CDYL: variants seen among roughly 807,000 people sequenced by gnomAD.
The protein encoded by CDYL is chromodomain Y like.
CDYL carries 8 observed loss-of-function variants against 47.3 expected under a neutral mutation model. That is an observed-to-expected ratio of 0.17 (90% CI 0.10 to 0.31). The LOEUF (loss-of-function observed/expected upper bound fraction) is 0.31. CDYL is among the 10% of genes least tolerant of loss of function. The probability of loss-of-function intolerance (pLI) is 1.00; values close to 1 mark genes in which losing one functional copy is unlikely to be tolerated. For missense variants in CDYL, 471 were observed against 701.4 expected (o/e 0.67, Z 3.71); for synonymous variants, 266 against 265.0 (o/e 1.00, Z -0.04).
chr6:4,853,361 T>C (rs1760909416), intron 1 of CDYL, among the ~76,000 whole-genome samples: 1 of 152,202 alleles, frequency 6.6e-6, no homozygotes, highest in Admixed American at 6.5e-5. Context: ...GAAGGTAACA[T>C]AACTTATCCA....
intron 1 of CDYL, among the ~76,000 whole-genome samples, chr6:4,885,692 T>C (rs1206197992): frequency 6.6e-6 from 1 of 152,254 alleles, no homozygotes. Flanking sequence ...AAAGTTCTTT[T>C]AGCTCTTATT....
At chr6:4,803,975 C>T (rs1285862118) in intron 1 of CDYL, among the ~76,000 whole-genome samples, 1 of 140,804 alleles carries the variant, frequency 7.1e-6, no homozygotes, top group East Asian at 2.0e-4. Context: ...CATGGCGTAG[C>T]GTGCTTTTTT....
chr6:4,942,559 G>T (rs1351932826), intron 4 of CDYL, among the ~76,000 whole-genome samples: 1 of 152,214 alleles, frequency 6.6e-6, no homozygotes, highest in Non-Finnish European at 1.5e-5. Context: ...AACTCAGCCT[G>T]CACTGAAGGG....
chr6:4,729,967 C>T (rs1757576787), intron 2 of CDYL, among the ~76,000 whole-genome samples: 1 of 152,080 alleles, frequency 6.6e-6, no homozygotes, highest in Non-Finnish European at 1.5e-5. Flanking sequence ...CATCCAAAAA[C>T]CCAAAAGCTT....
chr6:4,859,458 G>A (rs967251640), intron 1 of CDYL, among the ~76,000 whole-genome samples: 1 of 152,178 alleles, frequency 6.6e-6, no homozygotes, highest in Admixed American at 6.5e-5. Flanking sequence ...TCCCTGCCAC[G>A]GTCCCCTGGC....
At chr6:4,947,437 C>T (rs1192909957) in intron 5 of CDYL, among the ~76,000 whole-genome samples, 1 of 152,186 alleles carries the variant, frequency 6.6e-6, no homozygotes, top group Non-Finnish European at 1.5e-5. Context: ...TCCACTCTTG[C>T]TGACAAGTCC....
upstream of CDYL, chr6:4,776,373 G>A (rs1456985085): frequency 2.1e-5 from 3 of 145,486 alleles, no homozygotes; most frequent in Non-Finnish European, 4.6e-5. Flanking sequence ...CGGCCGCACT[G>A]GGCATGCTCA....
intron 2 of CDYL, chr6:4,724,280 A>C (rs962630890): frequency 1.3e-5 from 2 of 151,664 alleles, no homozygotes; most frequent in African/African-American, 4.9e-5. Flanking sequence ...CAAACTCCTG[A>C]CTTCATATAA....
At chr6:4,917,171 A>G (rs920465805) in intron 2 of CDYL, among the ~76,000 whole-genome samples, 2 of 152,108 alleles carry the variant, frequency 1.3e-5, no homozygotes, top group South Asian at 2.1e-4. Flanking sequence ...TTGAGTGTCT[A>G]TGTGTGTGTT....
intron 3 of CDYL, among the ~76,000 whole-genome samples, chr6:4,759,127 C>G (rs1478890688): frequency 6.6e-6 from 1 of 151,948 alleles, no homozygotes; most frequent in Non-Finnish European, 1.5e-5. Context: ...TGCCACCACA[C>G]CTGGCTAATT....
Position 4,749,362 on chromosome 6 carries a change from G to A in CDYL, c.186+14518G>A, listed in dbSNP as rs62384838. 3.3e-4 allele frequency among the ~76,000 whole-genome samples: 8 copies of A among 23,898 alleles called. No homozygotes were observed. The Non-Finnish European group carries it at 5.9e-3, about 18-fold the overall frequency. 15.7% of individuals were successfully genotyped at this position (23,898 alleles called of 152,430 possible). A position where few individuals can be genotyped will look rare whatever the true frequency, so the allele number is the denominator to read the frequency against. ...ATGGCTGGATATGAGATAGATGGAT[G>A]GATGGATGAATGGATATGTGATGGA... On this transcript the variant is annotated intron_variant, in intron 3 of 8. Coordinates refer to the CDYL transcript ENST00000328908.
chr6:4,894,326 A>C (rs1448228870), intron 2 of CDYL, among the ~76,000 whole-genome samples: 1 of 152,200 alleles, frequency 6.6e-6, no homozygotes, highest in South Asian at 2.1e-4. Context: ...CTTGGGGGCC[A>C]GGCACGGTGC....
chr6:4,760,565 G>T (rs948806420), intron 3 of CDYL, among the ~76,000 whole-genome samples: 7 of 152,144 alleles, frequency 4.6e-5, no homozygotes, highest in Non-Finnish European at 8.8e-5. Flanking sequence ...GATGAATAGA[G>T]AAAGGTGAGG....
intron 2 of CDYL, among the ~76,000 whole-genome samples, chr6:4,725,365 C>T (rs966346880): frequency 6.6e-6 from 1 of 152,204 alleles, no homozygotes. Flanking sequence ...TGGGACTGGG[C>T]GCCGTGGAGC....
intron 2 of CDYL, among the ~76,000 whole-genome samples, chr6:4,922,646 C>A (rs1022331179): frequency 1.3e-5 from 2 of 152,244 alleles, no homozygotes; most frequent in Admixed American, 1.3e-4. Context: ...CCTGCTTCCC[C>A]TTTTATCATT....
intron 2 of CDYL, among the ~76,000 whole-genome samples, chr6:4,726,015 T>C (rs1757506330): frequency 6.6e-6 from 1 of 152,184 alleles, no homozygotes; most frequent in Non-Finnish European, 1.5e-5. Context: ...CGACTGAAAT[T>C]TACAGGAGGA....
intron 1 of CDYL, among the ~76,000 whole-genome samples, chr6:4,881,187 G>T (rs1761751815): frequency 6.6e-6 from 1 of 151,714 alleles, no homozygotes; most frequent in African/African-American, 2.4e-5. Flanking sequence ...GTTTGATTTG[G>T]GTCTAGTGTT....
At position 4,909,825 on chromosome 6, in the gene CDYL, G is replaced by A. The variant is rs114833872; in HGVS notation, c.691+17446G>A. 9.2e-3 allele frequency among the ~76,000 whole-genome samples: 1,397 copies of A among 151,538 alleles called. 26 individuals are homozygous for A. The highest frequency in any genetic ancestry group is 0.033 in the African/African-American group (1,341 of 41,240). ...TCCTGATCTTGTGATCTGCCTTCTC[G>A]GCCTCCCAAAGTGCTGGGATTACAG... On this transcript the variant is annotated intron_variant, in intron 2 of 6. Transcript: ENST00000397588.
intron 1 of CDYL, among the ~76,000 whole-genome samples, chr6:4,822,060 G>A (rs1413366182): frequency 2.0e-5 from 3 of 151,932 alleles, no homozygotes; most frequent in Non-Finnish European, 4.4e-5. Flanking sequence ...CCTTGACCTC[G>A]TGGGCTCAAA....
Sources: gnomAD v4.1 joint callset for allele counts (sites outside exome capture counted in the v4.1 genomes callset) on GRCh38, gnomAD v4.1.1 for gene constraint, MANE v1.5 for transcripts, NCBI Gene and HGNC (gene_info 2026-07-23, HGNC 2026-07-21) for gene names.